GMDS: variants seen among roughly 807,000 people sequenced by gnomAD.
GMDS encodes the protein GDP-mannose 4,6-dehydratase.
GMDS carries 20 observed loss-of-function variants against 49.9 expected under a neutral mutation model. The observed-to-expected ratio is 0.40, with a 90% CI of 0.28 to 0.58. The LOEUF is 0.58. Ranked by LOEUF, GMDS falls within the 20% of genes least tolerant of loss-of-function variation. GMDS has a pLI of 0.42. For missense variants in GMDS, 362 were observed against 481.4 expected, an observed-to-expected ratio of 0.75 and a Z score of 2.32; for synonymous variants, 177 against 178.6, an observed-to-expected ratio of 0.99 and a Z score of 0.07.
chr6:2,213,576 G>A (rs1235882603), intron 1 of GMDS, among the ~76,000 whole-genome samples: 1 of 152,122 alleles, frequency 6.6e-6, no homozygotes, highest in African/African-American at 2.4e-5. Context: ...GGGCACATAC[G>A]GAGTAAAAAA....
chr6:2,071,757 T>C (rs143839960), intron 4 of GMDS, among the ~76,000 whole-genome samples: 1 of 149,862 alleles, frequency 6.7e-6, no homozygotes, highest in African/African-American at 2.5e-5. Flanking sequence ...TGTAGTGCCA[T>C]AGTTGAAGTG....
At chr6:1,940,146 T>G (rs1762753056) in intron 6 of GMDS, among the ~76,000 whole-genome samples, 1 of 152,054 alleles carries the variant, frequency 6.6e-6, no homozygotes, top group Non-Finnish European at 1.5e-5. Context: ...TTTTATTGTT[T>G]GTGTGTCTAC....
chr6:2,196,860 C>T (rs769723430), intron 1 of GMDS, among the ~76,000 whole-genome samples: 5 of 152,140 alleles, frequency 3.3e-5, no homozygotes, highest in Non-Finnish European at 7.4e-5. Flanking sequence ...CCAAAGCATA[C>T]CTTTATCTTC....
At chr6:2,160,656 C>T (rs1393135985) in intron 1 of GMDS, among the ~76,000 whole-genome samples, 1 of 152,156 alleles carries the variant, frequency 6.6e-6, no homozygotes. Context: ...CTACCTCAGC[C>T]TCCTGGGTAG....
At chr6:2,200,753 T>C (rs1413003052) in intron 1 of GMDS, among the ~76,000 whole-genome samples, 4 of 135,198 alleles carry the variant, frequency 3.0e-5, no homozygotes, top group Non-Finnish European at 4.8e-5. Flanking sequence ...GATGTAACCA[T>C]CTAGGCAGTG....
At chr6:1,971,455 G>C (rs1037968820) in intron 4 of GMDS, among the ~76,000 whole-genome samples, 3 of 152,178 alleles carry the variant, frequency 2.0e-5, no homozygotes, top group Admixed American at 1.3e-4. Context: ...TGTTACTCCA[G>C]AGTGACAAAT....
chr6:1,661,546 A>T (rs2113250251), intron 9 of GMDS, among the ~76,000 whole-genome samples: 1 of 152,324 alleles, frequency 6.6e-6, no homozygotes, highest in Middle Eastern at 3.4e-3. Flanking sequence ...GAAGCACCTG[A>T]TCCAGCACAC....
intron 7 of GMDS, among the ~76,000 whole-genome samples, chr6:1,776,640 A>T (rs2113596113): frequency 6.6e-6 from 1 of 152,208 alleles, no homozygotes; most frequent in Non-Finnish European, 1.5e-5. Flanking sequence ...TGATTGCACT[A>T]TTGCACTCCA....
chr6:1,637,000 G>A (rs115865867), intron 9 of GMDS, among the ~76,000 whole-genome samples: 1,742 of 152,318 alleles, frequency 0.011, 25 homozygotes, highest in African/African-American at 0.039. Context: ...GCTGGTGCTC[G>A]CATAACACCT....
chr6:1,945,600 G>C lies in GMDS; in HGVS notation c.643+14267C>G, dbSNP rs139157124. The stretch of plus-strand genomic sequence containing the variant: ...AGGCCCTTGATAGATTTGCATGACA[G>C]TAATGTCTGTGAACCCAATATTCTT... On this transcript the variant is annotated intron_variant, in intron 6 of 10. Transcript: ENST00000380815. 9.1e-3 allele frequency among the ~76,000 whole-genome samples: 1,385 copies of C among 152,202 alleles called. 24 individuals are homozygous for C. Among genetic ancestry groups the C allele is most frequent in the African/African-American group, 0.031 (1,301 of 41,512 alleles).
chr6:1,673,333 CTT>C (rs1236858727), intron 9 of GMDS, among the ~76,000 whole-genome samples: 1 of 150,934 alleles, frequency 6.6e-6, no homozygotes, highest in Non-Finnish European at 1.5e-5. Context: ...TTTTTTTCAA[CTT>C]CGTGACTTCT....
At chr6:1,711,228 C>A (rs1260228514) in intron 9 of GMDS, among the ~76,000 whole-genome samples, 2 of 152,264 alleles carry the variant, frequency 1.3e-5, no homozygotes, top group Non-Finnish European at 2.9e-5. Context: ...CAGCTGCCCC[C>A]ACTTACCGAG....
intron 7 of GMDS, among the ~76,000 whole-genome samples, chr6:1,782,304 C>T (rs1053048612): frequency 2.0e-5 from 3 of 152,208 alleles, no homozygotes; most frequent in Non-Finnish European, 4.4e-5. Context: ...GTAGGAGTCA[C>T]TGTTTCCAGA....
intron 4 of GMDS, among the ~76,000 whole-genome samples, chr6:2,003,283 G>A (rs1018697956): frequency 6.6e-6 from 1 of 152,144 alleles, no homozygotes; most frequent in Non-Finnish European, 1.5e-5. Context: ...CACTGAGGTT[G>A]GGAATGTTAC....
chr6:1,716,645 C>T (rs368806770), intron 9 of GMDS, among the ~76,000 whole-genome samples: 1 of 152,118 alleles, frequency 6.6e-6, no homozygotes, highest in African/African-American at 2.4e-5. Context: ...CTCTACCAGC[C>T]TTGCTTCTCA....
chr6:2,227,381 C>G (rs1361033738), intron 1 of GMDS, among the ~76,000 whole-genome samples: 2 of 152,132 alleles, frequency 1.3e-5, no homozygotes, highest in Non-Finnish European at 2.9e-5. Context: ...ATTCAACCTG[C>G]CCAAGTAATT....
intron 4 of GMDS, among the ~76,000 whole-genome samples, chr6:2,090,816 A>G (rs1773276695): frequency 6.6e-6 from 1 of 152,222 alleles, no homozygotes; most frequent in Non-Finnish European, 1.5e-5. Flanking sequence ...TTCGAGTCTC[A>G]TCACTTATTA....
intron 9 of GMDS, among the ~76,000 whole-genome samples, chr6:1,724,969 T>G (rs920885375): frequency 3.3e-5 from 5 of 152,150 alleles, no homozygotes; most frequent in Non-Finnish European, 7.4e-5. Context: ...TGTGGTAGAG[T>G]GCATGAAATA....
At chr6:2,175,981 G>T in intron 1 of GMDS, 1 of 1,533,658 alleles carries the variant, frequency 6.5e-7, no homozygotes, top group Non-Finnish European at 8.7e-7. Flanking sequence ...CCAACAAACT[G>T]CCTGTGTACA....
Sources: gnomAD v4.1 joint callset for allele counts (sites outside exome capture counted in the v4.1 genomes callset) on GRCh38, gnomAD v4.1.1 for gene constraint, MANE v1.5 for transcripts, NCBI Gene and HGNC (gene_info 2026-07-23, HGNC 2026-07-21) for gene names.